LIPJ: variants seen among roughly 807,000 people sequenced by gnomAD.
LIPJ encodes the protein lipase family member J.
Under a neutral mutation model 39.8 loss-of-function variants are expected in LIPJ, and 33 were observed. The observed-to-expected ratio is 0.83, with a 90% confidence interval of 0.63 to 1.11. The LOEUF (loss-of-function observed/expected upper bound fraction) is 1.11. LIPJ is among the 50% of genes least tolerant of loss of function. The pLI is 0.00. For missense variants in LIPJ, 422 were observed against 427.9 expected (o/e 0.99, Z 0.12); for synonymous variants, 128 against 139.2 (o/e 0.92, Z 0.57).
chr10:88,609,217 A>G (rs1379550170), downstream of LIPJ, among the ~76,000 whole-genome samples: 1 of 152,230 alleles, frequency 6.6e-6, no homozygotes, highest in Non-Finnish European at 1.5e-5. Context: ...GAAATAAAAT[A>G]TGTGTATAGG....
chr10:88,592,567 T>C (rs909478276), intron 4 of LIPJ: 10 of 151,240 alleles, frequency 6.6e-5, no homozygotes, highest in Non-Finnish European at 1.2e-4. Flanking sequence ...CTCAGAGGAG[T>C]TCAAGGTTCC....
At chr10:88,607,972 T>C (rs905299875), downstream of LIPJ, among the ~76,000 whole-genome samples, 2 of 152,208 alleles carry the variant, frequency 1.3e-5, no homozygotes, top group African/African-American at 2.4e-5. Flanking sequence ...GTTCTCACAG[T>C]AAATATTGGA....
intron 2 of LIPJ, among the ~76,000 whole-genome samples, chr10:88,588,092 C>T (rs1287771211): frequency 6.6e-6 from 1 of 151,838 alleles, no homozygotes; most frequent in Non-Finnish European, 1.5e-5. Flanking sequence ...ATAAAATTTA[C>T]ACCTACAAGA....
At chr10:88,590,006 G>T (rs76359424) in intron 2 of LIPJ, among the ~76,000 whole-genome samples, 3,053 of 151,558 alleles carry the variant, frequency 0.02, 77 homozygotes, top group South Asian at 0.085. Flanking sequence ...TCATGCTTTT[G>T]GGGGGAGAAT....
At chr10:88,591,712 T>G in intron 4 of LIPJ, 1 of 312,208 alleles carries the variant, frequency 3.2e-6, no homozygotes, top group Non-Finnish European at 5.8e-6. Flanking sequence ...CAAGCTGTTC[T>G]TCCCAGGTTT....
At chr10:88,613,800 A>ATATATGTGTGTGTGTG in the LIPJ span, among the ~76,000 whole-genome samples, 1 of 74,156 alleles carries the variant, frequency 1.3e-5, no homozygotes, top group Non-Finnish European at 2.6e-5. Flanking sequence ...ATATATATAT[A>ATATATGTGTGTGTGTG]TGTGTGTGTG....
Position 88,596,781 on chromosome 10 carries a change from AT to A in LIPJ, c.577-5del. On this transcript the variant is annotated splice_region_variant and splice_polypyrimidine_tract_variant and intron_variant, in intron 7 of 10. Coordinates refer to ENST00000371939, the Ensembl canonical transcript of LIPJ. Reference sequence around the variant, plus strand: ...ATCCAAATGTGGATAAAATAAATTTATTTTACAGGCTTTTTCAGGCAACAAA... The same window carrying A: ...ATCCAAATGTGGATAAAATAAATTTATTTACAGGCTTTTTCAGGCAACAAA... 6.3e-7 allele frequency: 1 copy of A among 1,595,472 alleles called. No homozygotes were observed. Among genetic ancestry groups the A allele is most frequent in the Non-Finnish European group, 8.5e-7 (1 of 1,171,190 alleles).
At chr10:88,589,567 T>C (rs931842154) in intron 2 of LIPJ, among the ~76,000 whole-genome samples, 1 of 151,874 alleles carries the variant, frequency 6.6e-6, no homozygotes, top group African/African-American at 2.4e-5. Flanking sequence ...AAGTGTTTTT[T>C]TAAAAATGAA....
downstream of LIPJ, among the ~76,000 whole-genome samples, chr10:88,609,400 A>T (rs1319168767): frequency 1.3e-5 from 2 of 152,236 alleles, no homozygotes; most frequent in African/African-American, 4.8e-5. Flanking sequence ...TGACTTAAAC[A>T]TTACTTCAGT....
At chr10:88,604,409 G>A (rs1660446891) in intron 9 of LIPJ, among the ~76,000 whole-genome samples, 1 of 152,194 alleles carries the variant, frequency 6.6e-6, no homozygotes, top group South Asian at 2.1e-4. Flanking sequence ...GCTATGTTGA[G>A]TAGACTATAG....
At chr10:88,612,479 A>C in the LIPJ span, among the ~76,000 whole-genome samples, 17 of 152,158 alleles carry the variant, frequency 1.1e-4, no homozygotes, top group Non-Finnish European at 2.1e-4. Context: ...TCCTGTCTTC[A>C]GGGGACTCAC....
the LIPJ span, among the ~76,000 whole-genome samples, chr10:88,619,212 A>T: frequency 1.8e-4 from 2 of 10,852 alleles, no homozygotes; most frequent in African/African-American, 3.4e-3. Flanking sequence ...CTACTGCTAA[A>T]AAAAAAAAAA....
chr10:88,598,544 G>A (rs754301573), intron 8 of LIPJ, among the ~76,000 whole-genome samples: 4 of 152,000 alleles, frequency 2.6e-5, no homozygotes, highest in Non-Finnish European at 5.9e-5. Flanking sequence ...GAGTGCAGCT[G>A]TCAAGGGTGT....
At chr10:88,590,099 T>C (rs1231010532) in intron 2 of LIPJ, among the ~76,000 whole-genome samples, 5 of 151,598 alleles carry the variant, frequency 3.3e-5, no homozygotes, top group African/African-American at 1.2e-4. Flanking sequence ...TTTAGGAGAC[T>C]CAAAAATCAC....
At chr10:88,585,452 A>G (rs1313692732), upstream of LIPJ, among the ~76,000 whole-genome samples, 1 of 152,164 alleles carries the variant, frequency 6.6e-6, no homozygotes, top group African/African-American at 2.4e-5. Flanking sequence ...GTCACATCAG[A>G]TTGTACAACA....
chr10:88,610,048 A>G (rs1851731518), downstream of LIPJ, among the ~76,000 whole-genome samples: 1 of 152,178 alleles, frequency 6.6e-6, no homozygotes, highest in South Asian at 2.1e-4. Context: ...ACCAACAGGA[A>G]GTTTCCTCTG....
chr10:88,607,289 T>C (rs1851696061), downstream of LIPJ, among the ~76,000 whole-genome samples: 1 of 152,180 alleles, frequency 6.6e-6, no homozygotes, highest in South Asian at 2.1e-4. Flanking sequence ...AATGTTCCTC[T>C]ATGCTAAATG....
the LIPJ span, among the ~76,000 whole-genome samples, chr10:88,621,195 C>A: frequency 1.3e-5 from 2 of 152,160 alleles, no homozygotes; most frequent in African/African-American, 4.8e-5. Context: ...TTTACACAAA[C>A]TCCTGTAGGC....
chr10:88,588,029 T>C (rs1850964838), intron 2 of LIPJ, among the ~76,000 whole-genome samples: 1 of 152,032 alleles, frequency 6.6e-6, no homozygotes, highest in South Asian at 2.1e-4. Flanking sequence ...ATAAAAGATC[T>C]TAATTCTGGA....
Sources: allele counts gnomAD v4.1 joint callset (sites outside exome capture counted in the v4.1 genomes callset), GRCh38; gene constraint gnomAD v4.1.1; transcripts MANE v1.5; gene names NCBI Gene and HGNC (gene_info 2026-07-23, HGNC 2026-07-21).